The following ACOT12 variants were observed in gnomAD, a reference collection of about 807,000 sequenced individuals.
ACOT12 encodes the protein acyl-CoA thioesterase 12.
ACOT12 carries 51 observed loss-of-function variants against 67.7 expected under a neutral mutation model. That is an observed-to-expected ratio of 0.75 (90% CI 0.60 to 0.95). ACOT12 has a LOEUF of 0.95. ACOT12 is among the 40% of genes least tolerant of loss of function. ACOT12 has a pLI of 0.00. For synonymous variants in ACOT12, 251 were observed against 244.6 expected, an observed-to-expected ratio of 1.03 and a Z score of -0.24; for missense variants, 734 against 708.1, an observed-to-expected ratio of 1.04 and a Z score of -0.41.
intron 3 of ACOT12, among the ~76,000 whole-genome samples, chr5:81,365,278 T>C (rs1760045609): frequency 6.6e-6 from 1 of 152,224 alleles, no homozygotes; most frequent in South Asian, 2.1e-4. Context: ...GTGTACACCA[T>C]GTAAAAAGAA....
intron 3 of ACOT12, among the ~76,000 whole-genome samples, chr5:81,364,429 A>AT (rs1371622814): frequency 2.1e-3 from 312 of 146,526 alleles, no homozygotes; most frequent in Admixed American, 5.5e-3. Context: ...TTATGTTCTA[A>AT]TTTTTTTTTT....
chr5:81,332,620 C>T lies in ACOT12; in HGVS notation c.1263-15G>A, dbSNP rs775975721. 1.9e-6 allele frequency: 3 copies of T among 1,613,432 alleles called. No individual in the cohort carries two copies. The East Asian group carries it at 6.7e-5, about 36-fold the overall frequency. ...CTTCACAGGACCTGTGTATATAGAA[C>T]AGTGAAAAGCAGGTATACTTTCTAC... On this transcript the variant is annotated splice_polypyrimidine_tract_variant and intron_variant, in intron 12 of 14. Coordinates refer to ENST00000307624, the MANE Select transcript of ACOT12 (RefSeq NM_130767.3).
At chr5:81,330,689 C>T (rs1758789312) in intron 14 of ACOT12, 125 bp downstream of exon 14, 2 of 1,502,082 alleles carry the variant, frequency 1.3e-6, no homozygotes, top group Admixed American at 2.1e-5. Flanking sequence ...AAAGGATGAC[C>T]TTAGGATTCC....
chr5:81,359,912 T>A lies in ACOT12; in HGVS notation c.487A>T (p.Lys163Ter). Residue 163 changes from lysine (K) to a stop codon, truncating the protein, a stop_gained, in exon 5 of 15, where the codon AAA becomes TAA. Transcript: ENST00000307624. LOFTEE classifies it high-confidence loss of function. ...AAGTGGATTTACTGACCATCAAATT[T>A]GCTACTTTCCTTCATTAAATTGTTA... ...TFNNLMKESSKFDDLIFDEEE... is the reference protein window; with the variant it reads ...TFNNLMKESS The A allele has an allele frequency of 6.2e-7, 1 of 1,605,096 alleles. No individual in the cohort carries two copies. The highest frequency in any genetic ancestry group is 8.5e-7 in the Non-Finnish European group (1 of 1,177,922).
chr5:81,333,613 T>C (rs191112361), intron 12 of ACOT12, among the ~76,000 whole-genome samples: 3 of 152,324 alleles, frequency 2.0e-5, no homozygotes, highest in Admixed American at 2.0e-4. Flanking sequence ...GGGAGAAACA[T>C]TTTTAAAGCA....
intron 11 of ACOT12, among the ~76,000 whole-genome samples, chr5:81,337,412 A>G (rs1485330374): frequency 3.3e-5 from 5 of 152,212 alleles, no homozygotes; most frequent in Non-Finnish European, 5.9e-5. Flanking sequence ...CATATGCTGT[A>G]GCCCCAACCT....
chr5:81,379,799 A>G (rs1039678126), intron 2 of ACOT12, among the ~76,000 whole-genome samples: 2 of 152,186 alleles, frequency 1.3e-5, no homozygotes, highest in Admixed American at 6.5e-5. Flanking sequence ...CAGTGGTTCA[A>G]TCATGGCTCA....
At chr5:81,365,823 C>A (rs560871805) in intron 3 of ACOT12, among the ~76,000 whole-genome samples, 1 of 152,066 alleles carries the variant, frequency 6.6e-6, no homozygotes, top group African/African-American at 2.4e-5. Context: ...AAAAACCTAA[C>A]TCTGCTGAAT....
intron 8 of ACOT12, among the ~76,000 whole-genome samples, chr5:81,344,620 A>C (rs1759314007): frequency 6.6e-6 from 1 of 152,190 alleles, no homozygotes; most frequent in Non-Finnish European, 1.5e-5. Flanking sequence ...GAGAGAAGAG[A>C]CCCAGAAACA....
At chr5:81,392,902 A>T (rs538057416) in intron 1 of ACOT12, among the ~76,000 whole-genome samples, 4 of 152,306 alleles carry the variant, frequency 2.6e-5, no homozygotes, top group African/African-American at 9.6e-5. Context: ...CTCACATGGC[A>T]GAGAGAAGCT....
intron 1 of ACOT12, among the ~76,000 whole-genome samples, chr5:81,387,701 T>G (rs1448219915): frequency 6.6e-6 from 1 of 152,152 alleles, no homozygotes; most frequent in East Asian, 1.9e-4. Flanking sequence ...AGCTAACTTT[T>G]AAAAAATTGT....
At chr5:81,347,720 C>T (rs1759422198) in intron 6 of ACOT12, 54 bp downstream of exon 6, 3 of 1,582,440 alleles carry the variant, frequency 1.9e-6, no homozygotes, top group Non-Finnish European at 2.6e-6. Flanking sequence ...CAGTCCCTTT[C>T]TACTTTCTCC....
the ACOT12 span, among the ~76,000 whole-genome samples, chr5:81,316,820 C>T: frequency 6.6e-6 from 1 of 152,218 alleles, no homozygotes; most frequent in East Asian, 1.9e-4. Context: ...TGTAGAATGC[C>T]TTTTCATGTG....
intron 14 of ACOT12, 54 bp downstream of exon 14, chr5:81,330,760 A>AT (rs1051681008): frequency 7.4e-5 from 117 of 1,591,430 alleles, no homozygotes; most frequent in African/African-American, 2.8e-4. Flanking sequence ...AAATTAAGAG[A>AT]TTTTTCGCTA....
At chr5:81,384,911 G>A (rs1223687204) in intron 2 of ACOT12, among the ~76,000 whole-genome samples, 1 of 152,162 alleles carries the variant, frequency 6.6e-6, no homozygotes, top group Non-Finnish European at 1.5e-5. Flanking sequence ...TTATAGGCTG[G>A]TGGAAAAGTA....
intron 2 of ACOT12, among the ~76,000 whole-genome samples, chr5:81,380,760 C>A (rs1760559115): frequency 6.6e-6 from 1 of 152,028 alleles, no homozygotes; most frequent in African/African-American, 2.4e-5. Flanking sequence ...TATGTAGATA[C>A]TAAAAGGAAT....
chr5:81,350,852 G>C (rs1320208703), intron 5 of ACOT12, among the ~76,000 whole-genome samples: 1 of 152,144 alleles, frequency 6.6e-6, no homozygotes, highest in Non-Finnish European at 1.5e-5. Flanking sequence ...ATCACCTTTT[G>C]GAGGTTCCAG....
In ACOT12 at chr5:81,332,512, T is replaced by C; in HGVS notation, c.1356A>G (p.Val452=). 2 of 1,614,166 alleles carry C rather than the reference T, an allele frequency of 1.2e-6. No homozygotes were observed. Among genetic ancestry groups the C allele is most frequent in the Middle Eastern group, 1.6e-4 (1 of 6,062 alleles). Residue 452 remains valine (V), a synonymous_variant, in exon 13 of 15, where the codon GTA becomes GTG. Coordinates refer to ENST00000307624, the MANE Select transcript of ACOT12 (RefSeq NM_130767.3). ...ILNDDKPKDL[V]VLVSRRKPLK... is the part of the protein sequence containing the mutation. ...GGGGTTTTCTTCGTGATACGAGTAC[T>C]ACCAAGTCTTTGGGTTTGTCATCAT...
intron 5 of ACOT12, 112 bp downstream of exon 5, chr5:81,359,791 T>A: frequency 8.5e-7 from 1 of 1,176,344 alleles, no homozygotes; most frequent in South Asian, 1.8e-5. Flanking sequence ...GGATACCTAG[T>A]GTCACCAGGA....
Sources: allele counts gnomAD v4.1 joint callset (sites outside exome capture counted in the v4.1 genomes callset), GRCh38; gene constraint gnomAD v4.1.1; transcripts MANE v1.5; gene names NCBI Gene and HGNC (gene_info 2026-07-23, HGNC 2026-07-21).